MACROH2A1: variants seen among roughly 807,000 people sequenced by gnomAD.
MACROH2A1 encodes core histone macro-H2A.1.
Under a neutral mutation model 31.6 loss-of-function variants are expected in MACROH2A1, and 2 were observed. The observed-to-expected ratio is 0.06, with a 90% CI of 0.03 to 0.20. The LOEUF (loss-of-function observed/expected upper bound fraction) is 0.20. MACROH2A1 is among the 10% of genes least tolerant of loss of function. The pLI, the probability that MACROH2A1 is intolerant of heterozygous loss-of-function variation, is 1.00. For synonymous variants in MACROH2A1, 169 were observed against 189.6 expected, an observed-to-expected ratio of 0.89 and a Z score of 0.89; for missense variants, 230 against 474.0, an observed-to-expected ratio of 0.49 and a Z score of 4.78.
intron 2 of MACROH2A1, among the ~76,000 whole-genome samples, chr5:135,386,895 G>A (rs1320291149): frequency 6.6e-6 from 1 of 152,240 alleles, no homozygotes; most frequent in Non-Finnish European, 1.5e-5. Flanking sequence ...AACACCCCAG[G>A]AATGGGCATC....
intron 5 of MACROH2A1, chr5:135,358,756 C>T: frequency 1.0e-6 from 1 of 966,376 alleles, no homozygotes; most frequent in Non-Finnish European, 1.2e-6. Flanking sequence ...CTTTTTGTAT[C>T]CTCACCCTAC....
At chr5:135,355,296 C>T (rs1762045107) in intron 5 of MACROH2A1, 1 of 455,656 alleles carries the variant, frequency 2.2e-6, no homozygotes, top group Non-Finnish European at 4.4e-6. Flanking sequence ...TCACTACCTT[C>T]CCTTCTGACC....
chr5:135,335,700 A>G (rs528304580), intron 8 of MACROH2A1, among the ~76,000 whole-genome samples: 6 of 152,312 alleles, frequency 3.9e-5, no homozygotes, highest in South Asian at 2.1e-4. Context: ...ACTCTGGGCT[A>G]TCATCCAAGT....
chr5:135,343,651 C>G (rs1011070138), intron 7 of MACROH2A1: 9 of 671,462 alleles, frequency 1.3e-5, no homozygotes, highest in Non-Finnish European at 1.9e-5. Flanking sequence ...TGTGTCACCA[C>G]CAGGAATTTT....
At chr5:135,346,293 G>A (rs1246985146) in intron 6 of MACROH2A1, 2 of 533,672 alleles carry the variant, frequency 3.7e-6, no homozygotes, top group East Asian at 6.7e-5. Context: ...CCTTATTTGG[G>A]TCTGACTCAG....
intron 1 of MACROH2A1, among the ~76,000 whole-genome samples, chr5:135,390,776 G>A (rs1767119477): frequency 6.6e-6 from 1 of 152,136 alleles, no homozygotes; most frequent in African/African-American, 2.4e-5. Flanking sequence ...GTCAGGACAT[G>A]CCACGGTCCA....
intron 2 of MACROH2A1, among the ~76,000 whole-genome samples, chr5:135,372,822 T>A (rs1764348976): frequency 6.6e-6 from 1 of 152,184 alleles, no homozygotes; most frequent in African/African-American, 2.4e-5. Flanking sequence ...CTGAGAGGCA[T>A]ATCAAGCACC....
chr5:135,366,075 TC>T (rs142259476), intron 4 of MACROH2A1, among the ~76,000 whole-genome samples: 3,780 of 152,354 alleles, frequency 0.025, 68 homozygotes, highest in Middle Eastern at 0.048. Context: ...GTCTGGCATT[TC>T]CACTGCTTGC....
In MACROH2A1 at chr5:135,345,836, T is replaced by C. The variant is rs1760749485; in HGVS notation, c.778+132A>G. 3 of 654,384 alleles carry C rather than the reference T, an allele frequency of 4.6e-6. No homozygotes were observed. The South Asian group carries it at 5.4e-5, about 12-fold the overall frequency. The allele number at this position is 654,384 out of a possible 1,614,324, so 40.5% of individuals were successfully genotyped here. ...AACTCTAAGATGTAAAGCTACAGGCTGTCCTTGGCCTCCATCTTGAAGATG... is the reference window on the plus strand; with the variant it reads ...AACTCTAAGATGTAAAGCTACAGGCCGTCCTTGGCCTCCATCTTGAAGATG... On this transcript the variant is annotated intron_variant, in intron 7 of 8. Transcript: ENST00000511689.
At chr5:135,341,094 A>C (rs1175579613) in intron 8 of MACROH2A1, among the ~76,000 whole-genome samples, 1 of 152,250 alleles carries the variant, frequency 6.6e-6, no homozygotes, top group Non-Finnish European at 1.5e-5. Context: ...ACCTCCAATA[A>C]AGTTTCCTAT....
At chr5:135,354,980 TA>T in intron 5 of MACROH2A1, 1 of 426,952 alleles carries the variant, frequency 2.3e-6, no homozygotes, top group South Asian at 1.7e-5. Context: ...AAGGCACCTA[TA>T]AATTCCTATG....
intron 1 of MACROH2A1, among the ~76,000 whole-genome samples, chr5:135,394,171 C>T (rs1050629554): frequency 1.6e-4 from 24 of 152,342 alleles, no homozygotes; most frequent in Admixed American, 1.6e-3. Context: ...CAGCAGGCAT[C>T]CTAACAGGCT....
chr5:135,342,306 T>C (rs2149727258), intron 8 of MACROH2A1, among the ~76,000 whole-genome samples: 1 of 152,272 alleles, frequency 6.6e-6, no homozygotes, highest in African/African-American at 2.4e-5. Flanking sequence ...AGATACTGCA[T>C]GGGGGGATTA....
At chr5:135,383,182 C>T (rs1253025456) in intron 2 of MACROH2A1, among the ~76,000 whole-genome samples, 1 of 152,216 alleles carries the variant, frequency 6.6e-6, no homozygotes, top group Non-Finnish European at 1.5e-5. Flanking sequence ...TGTTTATCCA[C>T]CATGGAATCA....
intron 8 of MACROH2A1, among the ~76,000 whole-genome samples, chr5:135,340,980 A>G (rs1483808739): frequency 6.6e-6 from 1 of 152,238 alleles, no homozygotes; most frequent in African/African-American, 2.4e-5. Context: ...TACTCCATGA[A>G]AAATGTAAAT....
intron 1 of MACROH2A1, among the ~76,000 whole-genome samples, chr5:135,390,000 G>T (rs1766987541): frequency 6.6e-6 from 1 of 152,204 alleles, no homozygotes; most frequent in South Asian, 2.1e-4. Context: ...ATAGAACCAG[G>T]ACTCTTGGCC....
Position 135,369,233 on chromosome 5 carries a change from G to A in MACROH2A1, c.477+173C>T, listed in dbSNP as rs531726167. On this transcript the variant is annotated intron_variant, in intron 4 of 8. Coordinates refer to ENST00000511689, the MANE Select transcript of MACROH2A1 (RefSeq NM_138610.3). The surrounding 1 kb of genome is among the most constrained non-coding windows in gnomAD (Gnocchi z 4.3). The stretch of plus-strand genomic sequence containing the variant: ...GACTCTGGGAGGGCCTCCTGACTCT[G>A]GCTACTTGTGTTGGACTAGCCCCTC... 327 of 683,270 alleles carry A rather than the reference G, an allele frequency of 4.8e-4. No individual in the cohort carries two copies. The highest frequency in any genetic ancestry group is 7.6e-4 in the Non-Finnish European group (294 of 384,674). 42.3% of individuals were successfully genotyped at this position (683,270 alleles called of 1,614,324 possible).
At chr5:135,350,750 A>G (rs776187150) in intron 6 of MACROH2A1, 1 of 874,920 alleles carries the variant, frequency 1.1e-6, no homozygotes. Context: ...CATAGCTGTC[A>G]AAGGATCAAG....
At chr5:135,346,342 A>G (rs899435205) in intron 6 of MACROH2A1, 5 of 401,146 alleles carry the variant, frequency 1.2e-5, no homozygotes, top group African/African-American at 1.0e-4. Context: ...AAGAGACAGG[A>G]CATGCTTGTT....
Sources: allele counts gnomAD v4.1 joint callset (sites outside exome capture counted in the v4.1 genomes callset), GRCh38; gene constraint gnomAD v4.1.1; non-coding constraint Gnocchi (gnomAD v3.1); transcripts MANE v1.5; gene names NCBI Gene and HGNC (gene_info 2026-07-23, HGNC 2026-07-21).